Variants in ZCCHC10 observed in about 807,000 individuals in gnomAD.
ZCCHC10 encodes zinc finger CCHC-type containing 10.
A neutral mutation model predicts 19.5 loss-of-function variants in ZCCHC10; 16 were observed. That is an observed-to-expected ratio of 0.82 (90% CI 0.56 to 1.25). The LOEUF (loss-of-function observed/expected upper bound fraction) is 1.25. Among genes scored for constraint, ZCCHC10 ranks in the 50% most tolerant of loss-of-function variants. ZCCHC10 has a pLI of 0.00. For missense variants in ZCCHC10, 197 were observed against 201.0 expected (o/e 0.98, Z 0.12); for synonymous variants, 67 against 72.5 (o/e 0.92, Z 0.38).
chr5:133,014,968 C>G (rs1334611724), intron 2 of ZCCHC10, among the ~76,000 whole-genome samples: 1 of 152,034 alleles, frequency 6.6e-6, no homozygotes, highest in Non-Finnish European at 1.5e-5. Context: ...CTGTGTACTT[C>G]TCATTGTATC....
chr5:133,018,595 C>T (rs1486978991), intron 2 of ZCCHC10, among the ~76,000 whole-genome samples: 1 of 152,042 alleles, frequency 6.6e-6, no homozygotes, highest in Non-Finnish European at 1.5e-5. Flanking sequence ...GACAGGGTTT[C>T]GTCATGTTAA....
intron 2 of ZCCHC10, chr5:133,018,922 A>G: frequency 3.0e-6 from 1 of 336,638 alleles, no homozygotes; most frequent in Non-Finnish European, 5.7e-6. Flanking sequence ...AAAATATGTG[A>G]GGGTGTTGGC....
chr5:133,015,448 G>A (rs1342253086), intron 2 of ZCCHC10, among the ~76,000 whole-genome samples: 1 of 152,110 alleles, frequency 6.6e-6, no homozygotes, highest in Non-Finnish European at 1.5e-5. Context: ...TTGTGGAATT[G>A]TAATTCCCCT....
chr5:133,017,848 A>G (rs969943868), intron 2 of ZCCHC10, among the ~76,000 whole-genome samples: 1 of 152,172 alleles, frequency 6.6e-6, no homozygotes, highest in Non-Finnish European at 1.5e-5. Context: ...GATTCTATAC[A>G]AAGTTTAAAG....
intron 2 of ZCCHC10, among the ~76,000 whole-genome samples, chr5:133,008,008 G>T (rs1004148472): frequency 6.6e-6 from 1 of 151,590 alleles, no homozygotes. Context: ...GGCGGATCAC[G>T]AGGTCAGGAG....
At position 132,998,059 on chromosome 5, in the gene ZCCHC10, T is replaced by C. The variant is rs1352224570; in HGVS notation, c.*524A>G. 1 of 153,314 alleles carries C rather than the reference T, an allele frequency of 6.5e-6. No individual in the cohort carries two copies. The allele number at this position is 153,314 out of a possible 1,614,324, so 9.5% of individuals were successfully genotyped here. ...ACTATAAATATATTAATAGGCTCCTTGAACATACCACTTAGGACAAAAAGT... is the reference window on the plus strand; with the variant it reads ...ACTATAAATATATTAATAGGCTCCTCGAACATACCACTTAGGACAAAAAGT... On this transcript the variant is annotated 3_prime_UTR_variant, in exon 5 of 5. Coordinates refer to ENST00000509437, the MANE Select transcript of ZCCHC10 (RefSeq NM_001300816.3).
intron 3 of ZCCHC10, among the ~76,000 whole-genome samples, chr5:133,002,728 T>TC (rs1358301441): frequency 1.6e-5 from 2 of 128,932 alleles, no homozygotes; most frequent in Non-Finnish European, 3.2e-5. Context: ...TGATACTTTT[T>TC]CTTTTTTTTG....
chr5:133,025,286 C>T (rs1300260247), intron 1 of ZCCHC10, among the ~76,000 whole-genome samples: 3 of 151,912 alleles, frequency 2.0e-5, no homozygotes, highest in South Asian at 2.1e-4. Flanking sequence ...GGGCGGATCT[C>T]GAGGTCAGGG....
chr5:133,013,422 C>G (rs981396829), intron 2 of ZCCHC10, among the ~76,000 whole-genome samples: 4 of 151,886 alleles, frequency 2.6e-5, no homozygotes, highest in Non-Finnish European at 5.9e-5. Context: ...CAAATGTTAG[C>G]AAAGATATGT....
chr5:133,012,743 C>T (rs181033654), intron 2 of ZCCHC10, among the ~76,000 whole-genome samples: 8 of 151,464 alleles, frequency 5.3e-5, no homozygotes, highest in Non-Finnish European at 1.0e-4. Flanking sequence ...GGTGAAACCT[C>T]ATTTCTACTA....
intron 3 of ZCCHC10, among the ~76,000 whole-genome samples, chr5:133,001,681 T>G (rs1029431712): frequency 1.3e-5 from 2 of 152,030 alleles, no homozygotes; most frequent in Admixed American, 6.6e-5. Context: ...GGTCCTGAAC[T>G]CCTAAGCTCA....
At chr5:133,003,300 C>A (rs1377765660) in intron 3 of ZCCHC10, 1 of 454,816 alleles carries the variant, frequency 2.2e-6, no homozygotes, top group East Asian at 6.2e-5. Flanking sequence ...TCCCAATGAT[C>A]AATACAAGTT....
chr5:133,003,841 G>C (rs771972611), intron 3 of ZCCHC10, among the ~76,000 whole-genome samples: 3 of 152,106 alleles, frequency 2.0e-5, no homozygotes, highest in Admixed American at 6.6e-5. Context: ...TTCCCAAGTA[G>C]CTGCGATTAC....
intron 2 of ZCCHC10, among the ~76,000 whole-genome samples, chr5:133,020,725 AT>A (rs1034342401): frequency 4.8e-4 from 70 of 146,290 alleles, no homozygotes; most frequent in Admixed American, 7.6e-4. Flanking sequence ...GAAACTAAAA[AT>A]TTTTTTTTTT....
chr5:133,008,084 G>T (rs1318354891), intron 2 of ZCCHC10, among the ~76,000 whole-genome samples: 2 of 151,478 alleles, frequency 1.3e-5, no homozygotes, highest in African/African-American at 4.8e-5. Flanking sequence ...AATTAGCCGG[G>T]CGTGGTGGTG....
chr5:133,020,265 C>T (rs143751045), intron 2 of ZCCHC10, among the ~76,000 whole-genome samples: 4,442 of 151,954 alleles, frequency 0.029, 217 homozygotes, highest in African/African-American at 0.1. Context: ...GAGTTCAAGA[C>T]CAGCCTGGCC....
Position 133,022,903 on chromosome 5 carries a change from G to A in ZCCHC10, c.45C>T (p.Phe15=), listed in dbSNP as rs528292758. 19 of 588,188 alleles carry A rather than the reference G, an allele frequency of 3.2e-5. 1 individual carries two copies. The East Asian group carries it at 3.8e-4, about 12-fold the overall frequency. 36.4% of individuals were successfully genotyped at this position (588,188 alleles called of 1,614,324 possible). ...TCTTGACAGGCTGCAACTCTGTGTC[G>A]AATCTAACAAGATGAAATTTAACAA... The part of the protein sequence containing the change: ...MHRLIARRQA[F]DTELQPVKTF... The change falls in exon 2 of 5, where the codon TTC becomes TTT. Residue 15 remains phenylalanine (F), a synonymous_variant. Coordinates refer to ENST00000509437, the MANE Select transcript of ZCCHC10 (RefSeq NM_001300816.3).
intron 2 of ZCCHC10, among the ~76,000 whole-genome samples, chr5:133,017,462 T>C (rs1764000901): frequency 1.3e-5 from 2 of 152,048 alleles, no homozygotes; most frequent in African/African-American, 2.4e-5. Flanking sequence ...CTGAATCTCC[T>C]GAGCTCAAGC....
In ZCCHC10 at chr5:132,998,444, A is replaced by C; in HGVS notation, c.*139T>G. ...CATTATTAATATTCTCTATGCTCTT[A>C]CAATGTAAAACATTTAGAAACTTTT... On this transcript the variant is annotated 3_prime_UTR_variant, in exon 5 of 5. Transcript: ENST00000509437. The C allele has an allele frequency of 1.4e-6, 1 of 708,256 alleles. No individual in the cohort carries two copies. Among genetic ancestry groups the C allele is most frequent in the Non-Finnish European group, 2.3e-6 (1 of 435,662 alleles). 43.9% of individuals were successfully genotyped at this position (708,256 alleles called of 1,614,324 possible). A position where few individuals can be genotyped will look rare whatever the true frequency, so the allele number is the denominator to read the frequency against.
Sources: gnomAD v4.1 joint callset for allele counts (sites outside exome capture counted in the v4.1 genomes callset) on GRCh38, gnomAD v4.1.1 for gene constraint, MANE v1.5 for transcripts, NCBI Gene and HGNC (gene_info 2026-07-23, HGNC 2026-07-21) for gene names.